Variants in MRPS27 observed in about 807,000 individuals in gnomAD.
The protein encoded by MRPS27 is small ribosomal subunit protein mS27.
A neutral mutation model predicts 48.9 loss-of-function variants in MRPS27; 43 were observed. The observed-to-expected ratio is 0.88, with a 90% CI of 0.69 to 1.13. The LOEUF (loss-of-function observed/expected upper bound fraction) is 1.13. Ranked by LOEUF, MRPS27 falls within the 50% of genes most tolerant of loss-of-function variation. The pLI is 0.00. For synonymous variants in MRPS27, 188 were observed against 171.9 expected (o/e 1.09, Z -0.73); for missense variants, 467 against 476.3 (o/e 0.98, Z 0.18).
intron 1 of MRPS27, among the ~76,000 whole-genome samples, chr5:72,315,452 G>C (rs1236169210): frequency 6.6e-6 from 1 of 151,650 alleles, no homozygotes; most frequent in Non-Finnish European, 1.5e-5. Flanking sequence ...AACTACTCAG[G>C]AGGCTGAGGT....
In MRPS27 at chr5:72,297,639, A is replaced by G. The variant is rs1190251697; in HGVS notation, c.215T>C (p.Ile72Thr). The G allele has an allele frequency of 1.9e-6, 3 of 1,586,288 alleles. No homozygotes were observed. The highest frequency in any genetic ancestry group is 2.6e-6 in the Non-Finnish European group (3 of 1,160,924). Reference protein sequence around the residue: ...ERKLPVSSLTISRLIDNISSR... With the variant: ...ERKLPVSSLTTSRLIDNISSR... ...ATGTTAAAATTTTCTTACCCGTGATATTGTTAAAGAACTAACAGGCAACTT... is the reference window on the plus strand; with the variant it reads ...ATGTTAAAATTTTCTTACCCGTGATGTTGTTAAAGAACTAACAGGCAACTT... The change falls in exon 3 of 11, where the codon ATA becomes ACA. Residue 72 changes from isoleucine to threonine, a missense_variant. Ile to Thr is a moderately conservative substitution (Grantham distance 89, BLOSUM62 -1). Coordinates refer to ENST00000261413, the MANE Select transcript of MRPS27 (RefSeq NM_015084.3).
At chr5:72,290,159 G>C (rs1371347731) in intron 4 of MRPS27, among the ~76,000 whole-genome samples, 1 of 152,148 alleles carries the variant, frequency 6.6e-6, no homozygotes, top group Non-Finnish European at 1.5e-5. Context: ...AGGTTCACTT[G>C]TCTGCATTTG....
chr5:72,293,636 C>T (rs1749894242), intron 4 of MRPS27, among the ~76,000 whole-genome samples: 1 of 152,114 alleles, frequency 6.6e-6, no homozygotes. Context: ...CATTAGATAT[C>T]CAGCACCCAG....
At chr5:72,314,473 A>C (rs1750518633) in intron 1 of MRPS27, 1 of 192,502 alleles carries the variant, frequency 5.2e-6, no homozygotes, top group African/African-American at 2.3e-5. Flanking sequence ...ACTGATCGGC[A>C]CAGGAATTTT....
rs558107345 is a variant in MRPS27, at chr5:72,220,885, C to T, written c.*24G>A. ...GGGGTTGAGTGAAGTTCTTGTGAGA[C>T]AGGTGGGGCCCTGGGGGACCCTATT... is the stretch of plus-strand genomic sequence containing the variant. On this transcript the variant is annotated 3_prime_UTR_variant, in exon 11 of 11. Transcript: ENST00000261413. 3 of 1,612,722 alleles carry T rather than the reference C, an allele frequency of 1.9e-6. No individual in the cohort carries two copies. Among genetic ancestry groups the T allele is most frequent in the Non-Finnish European group, 2.5e-6 (3 of 1,179,348 alleles).
intron 4 of MRPS27, among the ~76,000 whole-genome samples, chr5:72,278,739 T>C (rs1250158860): frequency 6.6e-6 from 1 of 152,226 alleles, no homozygotes; most frequent in African/African-American, 2.4e-5. Flanking sequence ...TTCACCTTTT[T>C]TTTACTCATT....
intron 5 of MRPS27, among the ~76,000 whole-genome samples, chr5:72,234,482 A>C (rs896006079): frequency 2.3e-4 from 34 of 150,856 alleles, no homozygotes; most frequent in African/African-American, 7.9e-4. Context: ...TAAAAAAAAC[A>C]TAAAAGAAAA....
rs11366823 is a variant in MRPS27, at chr5:72,240,444, G to GA, written c.282-2317dup. Among the ~76,000 whole-genome samples the GA allele has an allele frequency of 3.9e-5, 6 of 151,946 alleles. No homozygotes were observed. In the East Asian group the frequency reaches 1.2e-3, roughly 29 times the overall value. On this transcript the variant is annotated intron_variant, in intron 4 of 10. Coordinates refer to ENST00000261413, the MANE Select transcript of MRPS27 (RefSeq NM_015084.3). Reference sequence around the variant, plus strand: ...AATTATTTTTTGGTAATGACTTTGGGAAAAAAATATATCAAATGCCAATTA... The same window carrying GA: ...AATTATTTTTTGGTAATGACTTTGGGAAAAAAAATATATCAAATGCCAATTA...
At chr5:72,305,692 G>A (rs1008151030) in intron 2 of MRPS27, among the ~76,000 whole-genome samples, 1 of 152,170 alleles carries the variant, frequency 6.6e-6, no homozygotes, top group African/African-American at 2.4e-5. Context: ...CTGAGTGCTC[G>A]CTCCTTGTCA....
At chr5:72,295,655 A>G in intron 3 of MRPS27, 66 bp from the exon 4 acceptor site, 2 of 1,208,818 alleles carry the variant, frequency 1.7e-6, no homozygotes, top group Non-Finnish European at 2.4e-6. Flanking sequence ...CCTAGGGCCT[A>G]GATCACACAT....
At chr5:72,285,486 G>T (rs1021579216) in intron 4 of MRPS27, among the ~76,000 whole-genome samples, 10 of 152,082 alleles carry the variant, frequency 6.6e-5, no homozygotes, top group Admixed American at 6.6e-4. Context: ...CGTATCTAAT[G>T]ATCTTCAACC....
At chr5:72,245,828 A>G (rs922452214) in intron 4 of MRPS27, among the ~76,000 whole-genome samples, 1 of 152,188 alleles carries the variant, frequency 6.6e-6, no homozygotes, top group African/African-American at 2.4e-5. Context: ...AGGGAAGAGA[A>G]GCTCAGTACT....
chr5:72,260,964 A>T (rs1748950144), intron 4 of MRPS27, among the ~76,000 whole-genome samples: 1 of 152,060 alleles, frequency 6.6e-6, no homozygotes, highest in Non-Finnish European at 1.5e-5. Flanking sequence ...CCTGAGTTCA[A>T]GTGATTCTCA....
rs1195690130 is a variant in MRPS27, at chr5:72,226,076, A to G, written c.818T>C (p.Ile273Thr). Residue 273 changes from isoleucine (I) to threonine (T), a missense_variant, in exon 9 of 11, where the codon ATA becomes ACA. Physicochemically the swap from Ile to Thr is moderately conservative, Grantham distance 89. Coordinates refer to ENST00000261413, the MANE Select transcript of MRPS27 (RefSeq NM_015084.3). ...ACATACCGCTTCTCTACACAGCTTT[A>G]TGTCTTCTGGGGAGGCAGCCACTTT... ...MEKVAASPED[I>T]KLCREALDVL... 8 of 1,613,592 alleles carry G rather than the reference A, an allele frequency of 5.0e-6. No homozygotes were observed. Among genetic ancestry groups the G allele is most frequent in the Non-Finnish European group, 6.8e-6 (8 of 1,179,776 alleles).
At chr5:72,241,646 C>T in intron 4 of MRPS27, 11 of 1,535,360 alleles carry the variant, frequency 7.2e-6, no homozygotes, top group Non-Finnish European at 9.6e-6. Context: ...TGGGCACTTG[C>T]CTGGAATAAT....
intron 4 of MRPS27, among the ~76,000 whole-genome samples, chr5:72,242,526 G>A (rs1002192935): frequency 1.7e-4 from 25 of 150,208 alleles, no homozygotes; most frequent in African/African-American, 5.4e-4. Context: ...GACCAATTTC[G>A]TCATTTAATT....
Position 72,264,312 on chromosome 5 carries a change from T to C in MRPS27, c.282-26184A>G, listed in dbSNP as rs1458988279. On this transcript the variant is annotated intron_variant, in intron 4 of 10. Coordinates refer to ENST00000261413, the MANE Select transcript of MRPS27 (RefSeq NM_015084.3). Reference sequence around the variant, plus strand: ...AATAAAAATACTTTAGAAACAGAGATAGTTATTGCATAACATTGTGAATAT... The same window carrying C: ...AATAAAAATACTTTAGAAACAGAGACAGTTATTGCATAACATTGTGAATAT... Among the ~76,000 whole-genome samples, 7 of 152,328 alleles carry C rather than the reference T, an allele frequency of 4.6e-5. No homozygotes were observed. The South Asian group carries it at 1.2e-3, about 27-fold the overall frequency.
At chr5:72,257,593 GAAGA>G (rs1225769676) in intron 4 of MRPS27, among the ~76,000 whole-genome samples, 2 of 152,162 alleles carry the variant, frequency 1.3e-5, no homozygotes, top group Non-Finnish European at 2.9e-5. Context: ...GCTGTGGTGG[GAAGA>G]AAGAATAAGA....
chr5:72,256,401 T>C (rs1408261525), intron 4 of MRPS27, among the ~76,000 whole-genome samples: 1 of 152,214 alleles, frequency 6.6e-6, no homozygotes, highest in Admixed American at 6.5e-5. Context: ...GAAAAACCTT[T>C]GCTGACTCAG....
Sources: gnomAD v4.1 joint callset for allele counts (sites outside exome capture counted in the v4.1 genomes callset) on GRCh38, gnomAD v4.1.1 for gene constraint, MANE v1.5 for transcripts, NCBI Gene and HGNC (gene_info 2026-07-23, HGNC 2026-07-21) for gene names.